Variants in FYCO1 observed in about 807,000 individuals in gnomAD.
FYCO1 encodes the protein FYVE and coiled-coil domain-containing protein 1.
Under a neutral mutation model 165.1 loss-of-function variants are expected in FYCO1, and 122 were observed. The ratio of observed to expected loss-of-function variants is 0.74; its 90% confidence interval spans 0.64 to 0.86. FYCO1 has a LOEUF of 0.86. Ranked by LOEUF, FYCO1 falls within the 40% of genes least tolerant of loss-of-function variation. The pLI, the probability that FYCO1 is intolerant of heterozygous loss-of-function variation, is 0.00. For missense variants in FYCO1, 1,702 were observed against 1,810.3 expected, an observed-to-expected ratio of 0.94 and a Z score of 1.09; for synonymous variants, 648 against 742.5, an observed-to-expected ratio of 0.87 and a Z score of 2.07.
chr3:45,949,177 A>G (rs750638853), intron 14 of FYCO1, among the ~76,000 whole-genome samples: 4 of 152,216 alleles, frequency 2.6e-5, no homozygotes, highest in African/African-American at 4.8e-5. Flanking sequence ...TTTCATAAAC[A>G]TGCCTAAATG....
intron 14 of FYCO1, among the ~76,000 whole-genome samples, chr3:45,939,472 C>T (rs1401247293): frequency 6.6e-6 from 1 of 152,166 alleles, no homozygotes; most frequent in Non-Finnish European, 1.5e-5. Context: ...GTCTATAGTC[C>T]TTCCCTGTCA....
rs751396241 is a variant in FYCO1 at position 45,967,152 on chromosome 3, T to C, written c.2182A>G (p.Arg728Gly). 3 of 1,613,368 alleles carry C rather than the reference T, an allele frequency of 1.9e-6. No homozygotes were observed. The highest frequency in any genetic ancestry group is 2.5e-6 in the Non-Finnish European group (3 of 1,179,472). Residue 728 changes from arginine (R) to glycine (G), a missense_variant, in exon 8 of 18, where the codon AGA (arginine) becomes GGA (glycine). Physicochemically the swap from Arg to Gly is moderately radical, Grantham distance 125. Transcript: ENST00000296137. ...QCQQLAEARH[R>G]ELRALESQCQ... Reference sequence around the variant, plus strand: ...TGGCTCTCGAGAGCCCTAAGCTCTCTGTGCCGGGCTTCTGCCAGTTGCTGG... The same window carrying C: ...TGGCTCTCGAGAGCCCTAAGCTCTCCGTGCCGGGCTTCTGCCAGTTGCTGG...
At chr3:45,957,306 C>T (rs1705394747) in intron 13 of FYCO1, among the ~76,000 whole-genome samples, 1 of 152,180 alleles carries the variant, frequency 6.6e-6, no homozygotes, top group Non-Finnish European at 1.5e-5. Context: ...TTCTAAGCGA[C>T]AACAGAAGAA....
chr3:45,977,408 A>T (rs1048114704), intron 4 of FYCO1, among the ~76,000 whole-genome samples: 116 of 79,338 alleles, frequency 1.5e-3, no homozygotes, highest in African/African-American at 3.5e-3. Context: ...TATATATATA[A>T]AGGGAACTAT....
At chr3:45,936,891 C>A (rs867894489) in intron 14 of FYCO1, among the ~76,000 whole-genome samples, 1 of 152,242 alleles carries the variant, frequency 6.6e-6, no homozygotes, top group South Asian at 2.1e-4. Flanking sequence ...AAGGTACCAG[C>A]ACCACTGGGT....
chr3:45,984,649 T>G (rs2125874165), intron 2 of FYCO1: 1 of 663,192 alleles, frequency 1.5e-6, no homozygotes, highest in East Asian at 2.7e-5. Flanking sequence ...GCTTTACAGT[T>G]CTCTGAAAGG....
chr3:45,986,556 G>C (rs1049743382), intron 1 of FYCO1, among the ~76,000 whole-genome samples: 11 of 152,158 alleles, frequency 7.2e-5, no homozygotes, highest in Non-Finnish European at 1.3e-4. Flanking sequence ...GTGCAAACAA[G>C]GCCCAAAGAG....
At position 45,968,236 on chromosome 3, in the gene FYCO1, G is replaced by A. The variant is rs201904937; in HGVS notation, c.1098C>T (p.Ala366=). The A allele has an allele frequency of 7.8e-5, 126 of 1,614,052 alleles. No homozygotes were observed. In the East Asian group the frequency reaches 2.6e-3, roughly 33 times the overall value. The change falls in exon 8 of 18, where the codon GCC becomes GCT. Residue 366 remains alanine (A), a synonymous_variant. Transcript: ENST00000296137. ...DSLDKKNQHL[A]SFPGWLAMAQ... ...CCATGGCTAGCCAGCCTGGGAAGCT[G>A]GCTAAATGCTGGTTTTTCTTGTCCA...
Position 45,967,239 on chromosome 3 carries a change from C to G in FYCO1, c.2095G>C (p.Glu699Gln). The stretch of plus-strand genomic sequence containing the variant: ...CCCTCCTTGCTCTGTAGAATGGCCT[C>G]CTTCTCTGCCATCTGGGCTTTCATG... ...EAMKAQMAEK[E>Q]AILQSKEGEC... The change falls in exon 8 of 18, where the codon GAG (glutamate) becomes CAG (glutamine). Residue 699 changes from glutamate to glutamine, a missense_variant. Coordinates refer to ENST00000296137, the MANE Select transcript of FYCO1 (RefSeq NM_024513.4). The G allele has an allele frequency of 6.2e-7, 1 of 1,614,132 alleles. No homozygotes were observed. Among genetic ancestry groups the G allele is most frequent in the Non-Finnish European group, 8.5e-7 (1 of 1,180,012 alleles).
At chr3:45,963,295 CA>C (rs1238528470) in intron 10 of FYCO1, among the ~76,000 whole-genome samples, 1 of 152,088 alleles carries the variant, frequency 6.6e-6, no homozygotes, top group Non-Finnish European at 1.5e-5. Flanking sequence ...CAGCTTTGAG[CA>C]ACTGAAACAA....
intron 4 of FYCO1, among the ~76,000 whole-genome samples, chr3:45,976,025 T>C (rs977791057): frequency 1.3e-5 from 2 of 152,194 alleles, no homozygotes; most frequent in East Asian, 3.8e-4. Flanking sequence ...TTATCAGATA[T>C]GCCAAATCAC....
At chr3:45,965,165 T>C in intron 8 of FYCO1, 40 bp from the exon 9 acceptor site, 1 of 1,528,914 alleles carries the variant, frequency 6.5e-7, no homozygotes. Flanking sequence ...AAAAGTAGGG[T>C]CCTTGCTCTG....
intron 16 of FYCO1, among the ~76,000 whole-genome samples, chr3:45,927,187 G>A (rs1014888618): frequency 6.6e-6 from 1 of 152,210 alleles, no homozygotes; most frequent in Admixed American, 6.5e-5. Context: ...ATCAGCTATC[G>A]TTAGTGTTAG....
At chr3:45,978,444 T>A (rs1207806466) in intron 4 of FYCO1, among the ~76,000 whole-genome samples, 1 of 152,186 alleles carries the variant, frequency 6.6e-6, no homozygotes, top group African/African-American at 2.4e-5. Context: ...TCCTTCCTCA[T>A]CGTCTCAGAT....
rs1017923932 is a variant in FYCO1 at position 45,981,445 on chromosome 3, A to G, written c.162+125T>C. 8.4e-5 allele frequency: 60 copies of G among 714,976 alleles called. 1 individual carries two copies. The highest frequency in any genetic ancestry group is 6.7e-4 in the South Asian group (45 of 67,226). The allele number at this position is 714,976 out of a possible 1,614,324, so 44.3% of individuals were successfully genotyped here. On this transcript the variant is annotated intron_variant, in intron 3 of 17. Transcript: ENST00000296137. ...GCACTGGGGACTGCTCTGACCTTCAATCTAACCACGAGGGCTTACTGGCTC... is the reference window on the plus strand; with the variant it reads ...GCACTGGGGACTGCTCTGACCTTCAGTCTAACCACGAGGGCTTACTGGCTC...
At chr3:45,923,140 A>C (rs1483373768) in intron 17 of FYCO1, among the ~76,000 whole-genome samples, 2 of 152,188 alleles carry the variant, frequency 1.3e-5, no homozygotes, top group Non-Finnish European at 2.9e-5. Context: ...CTTCCCAGAG[A>C]TGGCACCTGT....
chr3:45,952,798 G>A (rs1009941584), intron 14 of FYCO1, among the ~76,000 whole-genome samples: 11 of 152,150 alleles, frequency 7.2e-5, no homozygotes, highest in Non-Finnish European at 1.3e-4. Context: ...GTCCTCCCAG[G>A]CCCCCAGGTT....
At chr3:45,979,682 T>C (rs765426425) in intron 4 of FYCO1, 23 bp downstream of exon 4, 3 of 1,613,386 alleles carry the variant, frequency 1.9e-6, no homozygotes, top group Non-Finnish European at 2.5e-6. Flanking sequence ...GACATGAAGT[T>C]GTTGGCTGCT....
intron 16 of FYCO1, among the ~76,000 whole-genome samples, chr3:45,924,760 C>T (rs1161284336): frequency 6.6e-6 from 1 of 151,070 alleles, no homozygotes; most frequent in Non-Finnish European, 1.5e-5. Flanking sequence ...TTACAGGCAC[C>T]CACCACCATG....
Sources: allele counts gnomAD v4.1 joint callset (sites outside exome capture counted in the v4.1 genomes callset), GRCh38; gene constraint gnomAD v4.1.1; transcripts MANE v1.5; gene names NCBI Gene and HGNC (gene_info 2026-07-23, HGNC 2026-07-21).